ASAH2B: variants seen among roughly 807,000 people sequenced by gnomAD.
The protein encoded by ASAH2B is N-acylsphingosine amidohydrolase 2B.
In ASAH2B, 1 loss-of-function variant was observed where a neutral mutation model predicts 2.9. The observed-to-expected ratio is 0.34, with a 90% CI of 0.12 to 1.63. The LOEUF (loss-of-function observed/expected upper bound fraction) is 1.63, where lower values mean the gene tolerates loss of function less well. ASAH2B is among the 40% of genes most tolerant of loss of function. ASAH2B has a pLI of 0.36. For missense variants in ASAH2B, 9 were observed against 37.7 expected, an observed-to-expected ratio of 0.24 and a Z score of 1.99; for synonymous variants, 4 against 13.3, an observed-to-expected ratio of 0.30 and a Z score of 1.52.
At position 50,741,274 on chromosome 10, in the gene ASAH2B, G is replaced by A. The variant is rs201460991; in HGVS notation, c.-100+1291G>A. 1.9e-3 allele frequency among the ~76,000 whole-genome samples: 294 copies of A among 152,252 alleles called. 4 individuals carry two copies. The East Asian group carries it at 0.034, about 17-fold the overall frequency. ...TGTCCATATCACAGGGATATACTCCGGCAAGTATTGCTATTAATTACTTCA... is the reference window on the plus strand; with the variant it reads ...TGTCCATATCACAGGGATATACTCCAGCAAGTATTGCTATTAATTACTTCA... On this transcript the variant is annotated intron_variant, in intron 1 of 5. Coordinates refer to ENST00000647317, the MANE Select transcript of ASAH2B (RefSeq NM_001321958.2).
chr10:50,741,142 T>C (rs1015329204), intron 1 of ASAH2B, among the ~76,000 whole-genome samples: 4 of 152,230 alleles, frequency 2.6e-5, no homozygotes, highest in African/African-American at 9.6e-5. Flanking sequence ...AAAATTCATT[T>C]TTTCAGTTTC....
chr10:50,742,332 T>C (rs1442686182), intron 1 of ASAH2B, among the ~76,000 whole-genome samples: 1 of 152,054 alleles, frequency 6.6e-6, no homozygotes, highest in Non-Finnish European at 1.5e-5. Context: ...CATGGGAGAC[T>C]GGAAAGATGA....
rs1485768005 is a variant in ASAH2B at position 50,755,763 on chromosome 10, T to A, written c.*1023T>A. 8.1e-4 allele frequency: 122 copies of A among 150,570 alleles called. No individual in the cohort carries two copies. Among genetic ancestry groups the A allele is most frequent in the African/African-American group, 2.6e-3 (109 of 41,436 alleles). The allele number at this position is 150,570 out of a possible 1,614,324, so 9.3% of individuals were successfully genotyped here. On this transcript the variant is annotated 3_prime_UTR_variant, in exon 6 of 6. Coordinates refer to ENST00000647317, the MANE Select transcript of ASAH2B (RefSeq NM_001321958.2). ...AATTATAATAGTGCCTAGGCCTTGA[T>A]AATTAGTGAATTTGTACTTGGGGTG... is the stretch of plus-strand genomic sequence containing the variant.
At chr10:50,740,451 T>TA (rs1402403060) in intron 1 of ASAH2B, among the ~76,000 whole-genome samples, 1 of 152,196 alleles carries the variant, frequency 6.6e-6, no homozygotes, top group Non-Finnish European at 1.5e-5. Flanking sequence ...GTTATGGTGA[T>TA]ATATAAAGAC....
At chr10:50,742,729 TAGGAGTCAC>T (rs1839849372) in intron 1 of ASAH2B, among the ~76,000 whole-genome samples, 177 bp from the exon 2 acceptor site, 1 of 152,186 alleles carries the variant, frequency 6.6e-6, no homozygotes, top group Admixed American at 6.5e-5. Context: ...AGGTAGTCCA[TAGGAGTCAC>T]TTACCTTGGC....
rs1355750 is a variant in ASAH2B at position 50,747,705 on chromosome 10, G to A, written c.145-1638G>A. 4.0e-5 allele frequency among the ~76,000 whole-genome samples: 6 copies of A among 151,802 alleles called. No individual in the cohort carries two copies. In the East Asian group the frequency reaches 5.8e-4, roughly 15 times the overall value. On this transcript the variant is annotated intron_variant, in intron 3 of 5. Coordinates refer to ENST00000647317, the MANE Select transcript of ASAH2B (RefSeq NM_001321958.2). ...CTTTTGTTATTTTAATAAGGTATTTGCATTCATTGGTTTTCAGATGTTAAA... is the reference window on the plus strand; with the variant it reads ...CTTTTGTTATTTTAATAAGGTATTTACATTCATTGGTTTTCAGATGTTAAA...
In ASAH2B at chr10:50,743,041, TGC is replaced by T. The variant is rs769847170; in HGVS notation, c.-4+33_-4+34del. 5.5e-5 allele frequency: 86 copies of T among 1,562,186 alleles called. No homozygotes were observed. In the African/African-American group the frequency reaches 7.9e-4, roughly 14 times the overall value. Reference sequence around the variant, plus strand: ...CAAATATTGTTTGTGCGTGCGTGCGTGCGTGTGTGTGTGTGTGTATGTCTGTA... The same window carrying T: ...CAAATATTGTTTGTGCGTGCGTGCGTGTGTGTGTGTGTGTGTATGTCTGTA... On this transcript the variant is annotated intron_variant, in intron 2 of 5. Coordinates refer to ENST00000647317, the MANE Select transcript of ASAH2B (RefSeq NM_001321958.2).
chr10:50,748,547 A>C (rs1300058217), intron 3 of ASAH2B, among the ~76,000 whole-genome samples: 1 of 151,068 alleles, frequency 6.6e-6, no homozygotes, highest in African/African-American at 2.5e-5. Flanking sequence ...TAATTCTGTT[A>C]GCCCATTCTT....
At chr10:50,754,426 A>T (rs2132732057) in intron 5 of ASAH2B, 125 bp from the exon 6 acceptor site, 1 of 121,892 alleles carries the variant, frequency 8.2e-6, no homozygotes, top group South Asian at 1.9e-4. Flanking sequence ...CAATGTCTTG[A>T]TAGTGCCTTG....
chr10:50,755,630 T>G lies in ASAH2B; in HGVS notation c.*890T>G, dbSNP rs1837072126. 1 of 151,796 alleles carries G rather than the reference T, an allele frequency of 6.6e-6. No individual in the cohort carries two copies. Among genetic ancestry groups the G allele is most frequent in the East Asian group, 1.9e-4 (1 of 5,160 alleles). 9.4% of individuals were successfully genotyped at this position (151,796 alleles called of 1,614,324 possible). On this transcript the variant is annotated 3_prime_UTR_variant, in exon 6 of 6. Transcript: ENST00000647317. ...AAAATATTACTGGCTGGGAAAGCAC[T>G]CCTCAAAGCAGAGGTTCTAAATTAA...
rs1437975416 is a variant in ASAH2B at position 50,756,988 on chromosome 10, T to C, written c.*2248T>C. The C allele has an allele frequency of 3.3e-5, 5 of 151,768 alleles. No individual in the cohort carries two copies. The highest frequency in any genetic ancestry group is 4.2e-4 in the South Asian group (2 of 4,818). The allele number at this position is 151,768 out of a possible 1,614,324, so 9.4% of individuals were successfully genotyped here. On this transcript the variant is annotated 3_prime_UTR_variant, in exon 6 of 6. Transcript: ENST00000647317. Reference sequence around the variant, plus strand: ...AGATTGGGTAGGTAGGAGAACAATTTTGGAGATTTTGTTTCTCATGTTAAA... The same window carrying C: ...AGATTGGGTAGGTAGGAGAACAATTCTGGAGATTTTGTTTCTCATGTTAAA...
At position 50,743,631 on chromosome 10, in the gene ASAH2B, A is replaced by G. The variant is rs536368352; in HGVS notation, c.-4+621A>G. 3 of 152,838 alleles carry G rather than the reference A, an allele frequency of 2.0e-5. No homozygotes were observed. In the South Asian group the frequency reaches 6.1e-4, roughly 31 times the overall value. 9.5% of individuals were successfully genotyped at this position (152,838 alleles called of 1,614,324 possible). A position where few individuals can be genotyped will look rare whatever the true frequency, so the allele number is the denominator to read the frequency against. On this transcript the variant is annotated intron_variant, in intron 2 of 5. Transcript: ENST00000647317. Reference sequence around the variant, plus strand: ...GCCTTGGAATAAAAACATTGCATCTACCTAAAATATATACCACTGAACAAG... The same window carrying G: ...GCCTTGGAATAAAAACATTGCATCTGCCTAAAATATATACCACTGAACAAG...
rs1312097586 is a variant in ASAH2B at position 50,757,506 on chromosome 10, A to G, written c.*2766A>G. ...GCTAATTCTGAACAAAAAGACCAAG[A>G]ATGAATTTACTTATGAATGTCCTTT... On this transcript the variant is annotated 3_prime_UTR_variant, in exon 6 of 6. Transcript: ENST00000647317. The G allele has an allele frequency of 6.7e-6, 1 of 148,190 alleles. No homozygotes were observed. Among genetic ancestry groups the G allele is most frequent in the African/African-American group, 2.4e-5 (1 of 40,974 alleles). The allele number at this position is 148,190 out of a possible 1,614,324, so 9.2% of individuals were successfully genotyped here.
intron 3 of ASAH2B, among the ~76,000 whole-genome samples, chr10:50,747,343 G>A (rs1255936134): frequency 6.6e-6 from 1 of 151,174 alleles, no homozygotes; most frequent in African/African-American, 2.4e-5. Context: ...TGTACCAATG[G>A]TGTGTTGATT....
chr10:50,740,393 G>C lies in ASAH2B; in HGVS notation c.-100+410G>C, dbSNP rs148399510. Among the ~76,000 whole-genome samples, 1,288 of 152,240 alleles carry C rather than the reference G, an allele frequency of 8.5e-3. 20 individuals carry two copies. Among genetic ancestry groups the C allele is most frequent in the African/African-American group, 0.028 (1,182 of 41,538 alleles). ...AATCCCACAGCTATTCAGTTTCAAA[G>C]CGTTCCTAGTGCCCAGCTCTCCTAA... On this transcript the variant is annotated intron_variant, in intron 1 of 5. Coordinates refer to ENST00000647317, the MANE Select transcript of ASAH2B (RefSeq NM_001321958.2).
chr10:50,740,369 A>G (rs10994249), intron 1 of ASAH2B, among the ~76,000 whole-genome samples: 31,923 of 152,014 alleles, frequency 0.21, 4,091 homozygotes, highest in East Asian at 0.46. Flanking sequence ...AACCTCGGAA[A>G]TCCCACAGCT....
intron 1 of ASAH2B, among the ~76,000 whole-genome samples, chr10:50,740,571 C>T (rs1416044459): frequency 6.6e-6 from 1 of 152,204 alleles, no homozygotes; most frequent in Non-Finnish European, 1.5e-5. Flanking sequence ...ACGGAAGGTA[C>T]TAGTTTGGAT....
intron 1 of ASAH2B, among the ~76,000 whole-genome samples, chr10:50,740,459 G>A (rs1388283315): frequency 3.3e-5 from 5 of 152,138 alleles, no homozygotes; most frequent in Non-Finnish European, 5.9e-5. Context: ...GATATATAAA[G>A]ACTTTCTGTT....
chr10:50,741,662 A>G (rs2820734), intron 1 of ASAH2B, among the ~76,000 whole-genome samples: 3 of 151,636 alleles, frequency 2.0e-5, no homozygotes, highest in East Asian at 1.9e-4. Flanking sequence ...GACCACAATT[A>G]GTTGAGTAGC....
Sources: gnomAD v4.1 joint callset for allele counts (sites outside exome capture counted in the v4.1 genomes callset) on GRCh38, gnomAD v4.1.1 for gene constraint, MANE v1.5 for transcripts, NCBI Gene and HGNC (gene_info 2026-07-23, HGNC 2026-07-21) for gene names.